Variants in SEMA3D observed in about 807,000 individuals in gnomAD.
The protein encoded by SEMA3D is semaphorin-3D.
A neutral mutation model predicts 100.1 loss-of-function variants in SEMA3D; 84 were observed. That is an observed-to-expected ratio of 0.84 (90% CI 0.70 to 1.01). The LOEUF (loss-of-function observed/expected upper bound fraction) is 1.01, where lower values mean the gene tolerates loss of function less well. SEMA3D is among the 50% of genes least tolerant of loss of function. The pLI is 0.00. For synonymous variants in SEMA3D, 312 were observed against 320.7 expected, an observed-to-expected ratio of 0.97 and a Z score of 0.29; for missense variants, 875 against 934.1, an observed-to-expected ratio of 0.94 and a Z score of 0.82.
At chr7:85,040,477 T>C (rs547715568) in intron 11 of SEMA3D, among the ~76,000 whole-genome samples, 196 bp downstream of exon 11, 18 of 151,136 alleles carry the variant, frequency 1.2e-4, no homozygotes, top group Non-Finnish European at 2.2e-4. Flanking sequence ...AATGCTATAC[T>C]GGCTTAAAAA....
At chr7:85,123,292 G>A (rs1789479558) in intron 2 of SEMA3D, among the ~76,000 whole-genome samples, 1 of 152,030 alleles carries the variant, frequency 6.6e-6, no homozygotes, top group Non-Finnish European at 1.5e-5. Context: ...CTGTTACTAG[G>A]AAATAGGCCA....
At chr7:85,152,286 G>A (rs920113736) in intron 2 of SEMA3D, among the ~76,000 whole-genome samples, 4 of 152,004 alleles carry the variant, frequency 2.6e-5, no homozygotes, top group Admixed American at 6.6e-5. Context: ...GCATGTAAAA[G>A]AATCACTGTG....
intron 2 of SEMA3D, among the ~76,000 whole-genome samples, chr7:85,127,201 G>A (rs2159577): frequency 0.51 from 77,442 of 151,828 alleles, 20,129 homozygotes; most frequent in East Asian, 0.61. Context: ...AACAAATTAC[G>A]ATTATCATCA....
intron 2 of SEMA3D, among the ~76,000 whole-genome samples, chr7:85,149,560 A>G (rs896736475): frequency 2.0e-5 from 3 of 152,232 alleles, no homozygotes; most frequent in African/African-American, 7.2e-5. Flanking sequence ...AAGTGCTAAC[A>G]TCAAATTTTC....
chr7:85,139,082 A>G (rs1789967457), intron 2 of SEMA3D, among the ~76,000 whole-genome samples: 1 of 152,072 alleles, frequency 6.6e-6, no homozygotes, highest in Non-Finnish European at 1.5e-5. Context: ...AAGGGAAGAA[A>G]TTCAGATAGA....
chr7:85,024,913 G>A (rs1247562248), intron 12 of SEMA3D, among the ~76,000 whole-genome samples: 1 of 151,998 alleles, frequency 6.6e-6, no homozygotes, highest in Non-Finnish European at 1.5e-5. Context: ...AGCAATGTAT[G>A]TAGGTAAGAG....
intron 3 of SEMA3D, among the ~76,000 whole-genome samples, chr7:85,117,592 G>A (rs1339158463): frequency 6.6e-6 from 1 of 152,000 alleles, no homozygotes; most frequent in East Asian, 1.9e-4. Context: ...GGGCAACATG[G>A]TGAAACTCCG....
At chr7:85,236,775 T>C in the SEMA3D span, among the ~76,000 whole-genome samples, 1 of 152,186 alleles carries the variant, frequency 6.6e-6, no homozygotes, top group Non-Finnish European at 1.5e-5. Context: ...AACCTTTAAC[T>C]ATCAATTGCA....
chr7:85,111,039 T>C (rs143909225), intron 3 of SEMA3D, among the ~76,000 whole-genome samples: 45 of 152,202 alleles, frequency 3.0e-4, no homozygotes, highest in African/African-American at 1.0e-3. Context: ...CTTTTACTTT[T>C]TTCATTTAAC....
At chr7:85,065,313 G>T in intron 8 of SEMA3D, 111 bp downstream of exon 8, 1 of 958,242 alleles carries the variant, frequency 1.0e-6, no homozygotes, top group Non-Finnish European at 1.5e-6. Flanking sequence ...ATTTTATAAT[G>T]TTGAGCTAAA....
At chr7:85,225,099 T>A in the SEMA3D span, among the ~76,000 whole-genome samples, 2 of 24,994 alleles carry the variant, frequency 8.0e-5, no homozygotes, top group South Asian at 1.3e-3. Context: ...TATATATATA[T>A]ATATATACAT....
the SEMA3D span, among the ~76,000 whole-genome samples, chr7:85,222,147 C>A: frequency 6.6e-6 from 1 of 152,058 alleles, no homozygotes; most frequent in Non-Finnish European, 1.5e-5. Context: ...TTATCTCTTG[C>A]AAACTTATTT....
chr7:85,169,681 T>C (rs1791030596), intron 1 of SEMA3D, among the ~76,000 whole-genome samples: 1 of 151,856 alleles, frequency 6.6e-6, no homozygotes. Context: ...AGCTGTGGTA[T>C]CTGTTTCATT....
intron 17 of SEMA3D, among the ~76,000 whole-genome samples, chr7:85,008,927 T>A (rs1464034387): frequency 6.6e-6 from 1 of 151,748 alleles, no homozygotes; most frequent in African/African-American, 2.4e-5. Flanking sequence ...ATATGAAATA[T>A]AAATAAATTT....
chr7:85,202,493 A>T, the SEMA3D span, among the ~76,000 whole-genome samples: 5 of 152,040 alleles, frequency 3.3e-5, no homozygotes, highest in African/African-American at 1.2e-4. Context: ...AGTCTTTGCT[A>T]TCGTGAATAA....
chr7:85,135,228 T>C (rs542051981), intron 2 of SEMA3D, among the ~76,000 whole-genome samples: 12 of 152,240 alleles, frequency 7.9e-5, no homozygotes, highest in African/African-American at 1.9e-4. Context: ...TGTATCTACA[T>C]AGTACTTGCA....
Position 85,062,871 on chromosome 7 carries a change from G to A in SEMA3D, c.718+2553C>T, listed in dbSNP as rs767570765. Among the ~76,000 whole-genome samples, 134 of 152,038 alleles carry A rather than the reference G, an allele frequency of 8.8e-4. 1 individual carries two copies. Among genetic ancestry groups the A allele is most frequent in the Admixed American group, 3.2e-3 (49 of 15,244 alleles). On this transcript the variant is annotated intron_variant, in intron 8 of 18. Coordinates refer to ENST00000284136, the MANE Select transcript of SEMA3D (RefSeq NM_001384900.1). Reference sequence around the variant, plus strand: ...ACACAGGAAACAGTTGAAACTATTCGGATGGATGAGCTCACAGAATTATGA... The same window carrying A: ...ACACAGGAAACAGTTGAAACTATTCAGATGGATGAGCTCACAGAATTATGA...
intron 1 of SEMA3D, among the ~76,000 whole-genome samples, chr7:85,171,131 T>G (rs1791072249): frequency 6.6e-6 from 1 of 152,050 alleles, no homozygotes; most frequent in Admixed American, 6.6e-5. Flanking sequence ...TACACACTTG[T>G]GCATACAAAG....
chr7:85,130,679 A>T (rs1391752737), intron 2 of SEMA3D, among the ~76,000 whole-genome samples: 1 of 152,204 alleles, frequency 6.6e-6, no homozygotes, highest in African/African-American at 2.4e-5. Flanking sequence ...AGAAAGTTAA[A>T]AATAGCTTAA....
Sources: allele counts gnomAD v4.1 joint callset (sites outside exome capture counted in the v4.1 genomes callset), GRCh38; gene constraint gnomAD v4.1.1; transcripts MANE v1.5; gene names NCBI Gene and HGNC (gene_info 2026-07-23, HGNC 2026-07-21).